The following TACC2 variants were observed in gnomAD, a reference collection of about 807,000 sequenced individuals.
TACC2 encodes transforming acidic coiled-coil-containing protein 2.
A neutral mutation model predicts 227.3 loss-of-function variants in TACC2; 137 were observed. That is an observed-to-expected ratio of 0.60 (90% confidence interval 0.52 to 0.69). The LOEUF (loss-of-function observed/expected upper bound fraction) is 0.69. Among genes scored for constraint, TACC2 ranks in the 30% least tolerant of loss-of-function variants. TACC2 has a pLI of 0.00. For missense variants in TACC2, 3,470 were observed against 3,694.4 expected, an observed-to-expected ratio of 0.94 and a Z score of 1.57; for synonymous variants, 1,523 against 1,487.5, an observed-to-expected ratio of 1.02 and a Z score of -0.55.
chr10:122,253,486 C>A (rs1219768922), intron 22 of TACC2, among the ~76,000 whole-genome samples: 2 of 152,146 alleles, frequency 1.3e-5, no homozygotes, highest in South Asian at 2.1e-4. Context: ...CCCCACCCCC[C>A]ATGACCCTGT....
In TACC2 at chr10:122,084,100, C is replaced by T; in HGVS notation, c.1600C>T (p.Pro534Ser). The change falls in exon 4 of 23, where the codon CCT (proline) becomes TCT (serine). Residue 534 changes from proline (P) to serine (S), a missense_variant. By Grantham distance (74) the Pro-to-Ser change is moderately conservative. Around this residue, in one of 10 missense-constraint regions of TACC2, gnomAD observed 1,924 missense variants for 1,978.3 expected, o/e 0.97. Coordinates refer to ENST00000369005, the MANE Select transcript of TACC2 (RefSeq NM_206862.4). ...GGTCCAACCAGGAGCACCACCCCCT[C>T]CTCTTCCCAAGGCACCAAGTGAAAG... ...HEVQPGAPPP[P>S]LPKAPSESAR... 1 of 1,614,082 alleles carries T rather than the reference C, an allele frequency of 6.2e-7. No homozygotes were observed.
chr10:122,229,303 T>G (rs774408453), intron 14 of TACC2, 43 bp from the exon 15 acceptor site: 1 of 1,611,002 alleles, frequency 6.2e-7, no homozygotes, highest in Non-Finnish European at 8.5e-7. Context: ...CTCTCTGTTC[T>G]CCTCTATTTT....
intron 1 of TACC2, among the ~76,000 whole-genome samples, chr10:122,005,950 CT>C (rs1217884969): frequency 6.6e-6 from 1 of 152,056 alleles, no homozygotes; most frequent in Non-Finnish European, 1.5e-5. Flanking sequence ...CCGCCTCAGC[CT>C]TCCAAAGTGT....
Position 122,014,380 on chromosome 10 carries a change from T to G in TACC2, c.-45-7557T>G, listed in dbSNP as rs542718176. Among the ~76,000 whole-genome samples the G allele has an allele frequency of 2.6e-5, 4 of 152,194 alleles. No individual in the cohort carries two copies. The East Asian group carries it at 7.7e-4, about 29-fold the overall frequency. The stretch of plus-strand genomic sequence containing the variant: ...ACCTGCCACCATGCCCAGCTAATTT[T>G]TTGTATTTTTAGTAGAGATGGCATT... On this transcript the variant is annotated intron_variant, in intron 1 of 22. Coordinates refer to ENST00000369005, the MANE Select transcript of TACC2 (RefSeq NM_206862.4).
At chr10:122,216,930 G>A (rs189787837) in intron 11 of TACC2, 102 bp downstream of exon 11, 33 of 1,597,656 alleles carry the variant, frequency 2.1e-5, no homozygotes, top group African/African-American at 1.2e-4. Context: ...AGGTAACCAC[G>A]TGATCATCAT....
intron 7 of TACC2, among the ~76,000 whole-genome samples, chr10:122,189,180 T>C (rs752547837): frequency 6.6e-6 from 1 of 151,966 alleles, no homozygotes; most frequent in Non-Finnish European, 1.5e-5. Context: ...TGTGCAGAGA[T>C]TGGGGAGGGG....
intron 5 of TACC2, among the ~76,000 whole-genome samples, chr10:122,112,871 G>C (rs1333611241): frequency 6.6e-6 from 1 of 152,028 alleles, no homozygotes; most frequent in Non-Finnish European, 1.5e-5. Context: ...GTCTGGGCGC[G>C]CCCGGCCCCG....
intron 1 of TACC2, among the ~76,000 whole-genome samples, chr10:121,993,904 G>GATT (rs1281703783): frequency 1.4e-4 from 21 of 152,128 alleles, no homozygotes; most frequent in African/African-American, 4.8e-4. Flanking sequence ...CAAGTGCTGA[G>GATT]ATTATATAGA....
chr10:122,092,333 T>C (rs1205135522), intron 5 of TACC2, among the ~76,000 whole-genome samples: 1 of 152,228 alleles, frequency 6.6e-6, no homozygotes, highest in Non-Finnish European at 1.5e-5. Flanking sequence ...TGAGTATCTT[T>C]GTGTACCATA....
At chr10:122,077,114 CAAAAAAAAAAA>C (rs973879242) in intron 3 of TACC2, among the ~76,000 whole-genome samples, 6 of 67,040 alleles carry the variant, frequency 8.9e-5, no homozygotes, top group African/African-American at 1.7e-4. Flanking sequence ...GACTCTGTCT[CAAAAAAAAAAA>C]AAAAAAAAAG....
chr10:122,029,350 T>C (rs2135745226), intron 2 of TACC2, among the ~76,000 whole-genome samples: 1 of 152,218 alleles, frequency 6.6e-6, no homozygotes, highest in Non-Finnish European at 1.5e-5. Flanking sequence ...GATTTTCAAA[T>C]GTTGAACCAG....
At position 122,249,561 on chromosome 10, in the gene TACC2, C is replaced by T; in HGVS notation, c.8678C>T (p.Ala2893Val). Residue 2893 changes from alanine to valine, a missense_variant, in exon 22 of 23, where the codon GCT becomes GTT. By Grantham distance (64) the Ala-to-Val change is moderately conservative (BLOSUM62 0). Coordinates refer to ENST00000369005, the MANE Select transcript of TACC2 (RefSeq NM_206862.4). ...CTCCGCAGGGCCAATGCTGAGATTG[C>T]TCAGGTTCGAGGCAAGGCCCAGCAG... ...EKLDRANAEI[A>V]QVRGKAQQEQ... 7 of 1,614,144 alleles carry T rather than the reference C, an allele frequency of 4.3e-6. No homozygotes were observed. Among genetic ancestry groups the T allele is most frequent in the Non-Finnish European group, 5.1e-6 (6 of 1,179,988 alleles).
rs2095283836 is a variant in TACC2, at chr10:122,211,158, G to A, written c.6733G>A (p.Val2245Ile). 6.2e-7 allele frequency: 1 copy of A among 1,611,396 alleles called. No homozygotes were observed. Among genetic ancestry groups the A allele is most frequent in the Non-Finnish European group, 8.5e-7 (1 of 1,178,688 alleles). The change falls in exon 9 of 23, where the codon GTA (valine) becomes ATA (isoleucine). Residue 2245 changes from valine to isoleucine, a missense_variant. By Grantham distance (29) the Val-to-Ile change is conservative (BLOSUM62 3). Coordinates refer to ENST00000369005, the MANE Select transcript of TACC2 (RefSeq NM_206862.4). Reference protein sequence around the residue: ...PLTTAPEAGEVTPSDSGGQED... With the variant: ...PLTTAPEAGEITPSDSGGQED... ...TACCACGGCCCCGGAGGCAGGGGAG[G>A]TAACCCCATCGGATAGCGGGGGGCA...
chr10:122,145,615 C>T (rs2091272948), intron 7 of TACC2, among the ~76,000 whole-genome samples: 1 of 152,072 alleles, frequency 6.6e-6, no homozygotes, highest in African/African-American at 2.4e-5. Context: ...GTGAATTTTA[C>T]TATTTTTTGG....
chr10:122,175,002 T>C (rs770975051), intron 7 of TACC2, among the ~76,000 whole-genome samples: 26 of 152,224 alleles, frequency 1.7e-4, no homozygotes, highest in Non-Finnish European at 3.4e-4. Flanking sequence ...TAGGGTCTTA[T>C]TCTGTTGCCC....
In TACC2 at chr10:122,085,169, A is replaced by G. The variant is rs759349202; in HGVS notation, c.2669A>G (p.His890Arg). The change falls in exon 4 of 23, where the codon CAT becomes CGT. Residue 890 changes from histidine (H) to arginine (R), a missense_variant. This residue lies in a region of TACC2 where 1,924 missense variants were observed against 1,978.3 expected (regional missense o/e 0.97). Coordinates refer to ENST00000369005, the MANE Select transcript of TACC2 (RefSeq NM_206862.4). ...CAGGAAGATAACAACTTGCCCACTC[A>G]TGGAGGACAGGAGCAGGCTTTGGGA... Reference protein sequence around the residue: ...EPQEDNNLPTHGGQEQALGSE... With the variant: ...EPQEDNNLPTRGGQEQALGSE... 5 of 1,614,050 alleles carry G rather than the reference A, an allele frequency of 3.1e-6. No homozygotes were observed. In the African/African-American group the frequency reaches 6.7e-5, roughly 22 times the overall value.
At chr10:122,008,264 A>ATTATTATTTTTTTTTTTT in intron 1 of TACC2, among the ~76,000 whole-genome samples, 2 of 134,652 alleles carry the variant, frequency 1.5e-5, no homozygotes, top group Non-Finnish European at 3.1e-5. Context: ...TATTATTATT[A>ATTATTATTTTTTTTTTTT]TTTTTTTTTT....
At chr10:122,239,571 G>A (rs966551415) in intron 18 of TACC2, among the ~76,000 whole-genome samples, 2 of 152,288 alleles carry the variant, frequency 1.3e-5, no homozygotes, top group East Asian at 3.9e-4. Flanking sequence ...TTGGGGGTAT[G>A]GGTGGTTCTA....
chr10:122,185,341 A>C lies in TACC2; in HGVS notation c.5835-9699A>C, dbSNP rs1593066665. On this transcript the variant is annotated intron_variant, in intron 7 of 22. Transcript: ENST00000369005. Reference sequence around the variant, plus strand: ...CTCCTGAGTAGCTGGGATTACAGGCACATGCCACCATGCCCAGCTACTTTT... The same window carrying C: ...CTCCTGAGTAGCTGGGATTACAGGCCCATGCCACCATGCCCAGCTACTTTT... 3.9e-5 allele frequency among the ~76,000 whole-genome samples: 6 copies of C among 152,140 alleles called. No individual in the cohort carries two copies. In the East Asian group the frequency reaches 7.8e-4, roughly 20 times the overall value.
Sources: allele counts gnomAD v4.1 joint callset (sites outside exome capture counted in the v4.1 genomes callset), GRCh38; gene constraint gnomAD v4.1.1; regional missense constraint gnomAD v4.1.1; transcripts MANE v1.5; gene names NCBI Gene and HGNC (gene_info 2026-07-23, HGNC 2026-07-21).